The following TRIM71 variants were observed in gnomAD, a reference collection of about 807,000 sequenced individuals.
TRIM71 encodes tripartite motif containing 71.
TRIM71 carries 9 observed loss-of-function variants against 61.2 expected under a neutral mutation model. The observed-to-expected ratio is 0.15, with a 90% CI of 0.09 to 0.26. TRIM71 has a LOEUF of 0.26. Among genes scored for constraint, TRIM71 ranks in the 10% least tolerant of loss-of-function variants. The pLI, the probability that TRIM71 is intolerant of heterozygous loss-of-function variation, is 1.00. For missense variants in TRIM71, 998 were observed against 1,238.7 expected, an observed-to-expected ratio of 0.81 and a Z score of 2.92; for synonymous variants, 645 against 553.2, an observed-to-expected ratio of 1.17 and a Z score of -2.33.
chr3:32,857,325 C>T (rs1696616602), intron 1 of TRIM71, among the ~76,000 whole-genome samples: 1 of 152,246 alleles, frequency 6.6e-6, no homozygotes, highest in South Asian at 2.1e-4. Context: ...TTCTGATTTA[C>T]CTGCTTAGCA....
chr3:32,871,409 C>T (rs539370745), intron 1 of TRIM71, among the ~76,000 whole-genome samples: 2 of 152,256 alleles, frequency 1.3e-5, no homozygotes, highest in East Asian at 3.9e-4. Context: ...CTGTTAGAAG[C>T]AGGGAGGCCA....
intron 1 of TRIM71, among the ~76,000 whole-genome samples, chr3:32,840,815 T>C (rs533085425): frequency 6.6e-6 from 1 of 152,306 alleles, no homozygotes; most frequent in African/African-American, 2.4e-5. Flanking sequence ...GCTGGGGAGC[T>C]TTCAGGGCTC....
chr3:32,868,700 TA>T (rs1230451614), intron 1 of TRIM71, among the ~76,000 whole-genome samples: 3,530 of 150,374 alleles, frequency 0.023, 130 homozygotes, highest in African/African-American at 0.081. Context: ...TTTTTTTTTT[TA>T]AAAAACTGTT....
intron 1 of TRIM71, among the ~76,000 whole-genome samples, chr3:32,828,722 A>G (rs1443981019): frequency 6.6e-6 from 1 of 151,660 alleles, no homozygotes; most frequent in Non-Finnish European, 1.5e-5. Flanking sequence ...CTTGTGTCTG[A>G]CCCTTGGGCT....
chr3:32,854,990 AAC>A (rs1696579733), intron 1 of TRIM71, among the ~76,000 whole-genome samples: 1 of 152,216 alleles, frequency 6.6e-6, no homozygotes, highest in South Asian at 2.1e-4. Context: ...ACATTCATAT[AAC>A]ACAGTATGTT....
chr3:32,838,245 C>T (rs368215333), intron 1 of TRIM71, among the ~76,000 whole-genome samples: 2 of 151,962 alleles, frequency 1.3e-5, no homozygotes, highest in Admixed American at 6.6e-5. Context: ...TTTTTTGAGA[C>T]GGAGTTTCAC....
rs1196657811 is a variant in TRIM71, at chr3:32,818,269, C to T, written c.189C>T (p.His63=). The T allele has an allele frequency of 4.2e-6, 6 of 1,427,934 alleles. No homozygotes were observed. The highest frequency in any genetic ancestry group is 1.5e-5 in the African/African-American group (1 of 66,448). The allele number at this position is 1,427,934 out of a possible 1,614,324, so 88.5% of individuals were successfully genotyped here. The part of the protein sequence containing the change: ...ARRLHVLPCL[H]AFCRPCLEAH... Reference sequence around the variant, plus strand: ...GCCTACACGTCCTGCCCTGCCTGCACGCCTTCTGCCGCCCCTGCCTCGAGG... The same window carrying T: ...GCCTACACGTCCTGCCCTGCCTGCATGCCTTCTGCCGCCCCTGCCTCGAGG... The change falls in exon 1 of 4, where the codon CAC becomes CAT. Residue 63 remains histidine (H), a synonymous_variant. Transcript: ENST00000383763.
rs1559534550 is a variant in TRIM71 at position 32,818,392 on chromosome 3, G to A, written c.312G>A (p.Ala104=). The A allele has an allele frequency of 6.8e-7, 1 of 1,478,704 alleles. No individual in the cohort carries two copies. The highest frequency in any genetic ancestry group is 8.9e-7 in the Non-Finnish European group (1 of 1,119,306). The allele number at this position is 1,478,704 out of a possible 1,614,324, so 91.6% of individuals were successfully genotyped here. A position where few individuals can be genotyped will look rare whatever the true frequency, so the allele number is the denominator to read the frequency against. The change falls in exon 1 of 4, where the codon GCG becomes GCA. Residue 104 remains alanine, a synonymous_variant. Coordinates refer to ENST00000383763, the MANE Select transcript of TRIM71 (RefSeq NM_001039111.3). The part of the protein sequence containing the change: ...CDQKVVLAEA[A]GMDALPSSAF... ...AGAAAGTAGTGCTAGCCGAGGCGGC[G>A]GGTATGGACGCGCTGCCTTCGTCCG...
intron 1 of TRIM71, among the ~76,000 whole-genome samples, chr3:32,837,530 A>G (rs780457965): frequency 2.6e-5 from 4 of 152,190 alleles, no homozygotes; most frequent in African/African-American, 4.8e-5. Context: ...TGTAAAACTT[A>G]CTAACGTCGC....
chr3:32,878,745 T>C (rs1163959255), intron 2 of TRIM71, among the ~76,000 whole-genome samples: 2 of 152,244 alleles, frequency 1.3e-5, no homozygotes, highest in Admixed American at 6.5e-5. Context: ...AGCATAATGC[T>C]TAAGGGGCCT....
At position 32,891,938 on chromosome 3, in the gene TRIM71, T is replaced by TC. The variant is rs1465708198; in HGVS notation, c.*127_*128insC. 2.2e-6 allele frequency: 3 copies of TC among 1,362,866 alleles called. No homozygotes were observed. In the African/African-American group the frequency reaches 4.4e-5, roughly 20 times the overall value. The allele number at this position is 1,362,866 out of a possible 1,614,324, so 84.4% of individuals were successfully genotyped here. On this transcript the variant is annotated 3_prime_UTR_variant, in exon 4 of 4. Coordinates refer to ENST00000383763, the MANE Select transcript of TRIM71 (RefSeq NM_001039111.3). The surrounding 1 kb of genome is among the most constrained non-coding windows in gnomAD (Gnocchi z 8.2). ...GTCTCAGGGAAATTTCTTTTTTCTT[T>TC]TTTTTTTTTAAAGAGAACAAGAAAA...
chr3:32,888,115 TG>T (rs901432465), intron 3 of TRIM71, among the ~76,000 whole-genome samples: 1 of 152,174 alleles, frequency 6.6e-6, no homozygotes, highest in Admixed American at 6.5e-5. Flanking sequence ...TAGCATGGTT[TG>T]AGAACCTCAA....
intron 1 of TRIM71, among the ~76,000 whole-genome samples, chr3:32,844,817 C>T (rs1011210153): frequency 6.6e-6 from 1 of 152,212 alleles, no homozygotes; most frequent in Non-Finnish European, 1.5e-5. Flanking sequence ...TCCCCCTCCT[C>T]TGAGCCACCT....
At chr3:32,877,719 A>G (rs1425478348) in intron 2 of TRIM71, among the ~76,000 whole-genome samples, 1 of 152,114 alleles carries the variant, frequency 6.6e-6, no homozygotes, top group East Asian at 1.9e-4. Flanking sequence ...TGAGATGGCA[A>G]CAATTCAGTC....
At chr3:32,879,016 A>G (rs749257833) in intron 2 of TRIM71, among the ~76,000 whole-genome samples, 3 of 152,226 alleles carry the variant, frequency 2.0e-5, no homozygotes, top group Non-Finnish European at 2.9e-5. Context: ...TCTTCTGGGT[A>G]ACTTGCTGCA....
In TRIM71 at chr3:32,894,164, C is replaced by T. The variant is rs1697055509; in HGVS notation, c.*2353C>T. ...GCTGATCTTCCTTCCCTTTCCCCAG[C>T]TGCCCAACAAGCCACCCTTTAAACA... On this transcript the variant is annotated 3_prime_UTR_variant, in exon 4 of 4. Transcript: ENST00000383763. 6.6e-6 allele frequency: 1 copy of T among 152,024 alleles called. No individual in the cohort carries two copies. Among genetic ancestry groups the T allele is most frequent in the Non-Finnish European group, 1.5e-5 (1 of 68,012 alleles). The allele number at this position is 152,024 out of a possible 1,614,324, so 9.4% of individuals were successfully genotyped here.
Position 32,866,353 on chromosome 3 carries a change from A to G in TRIM71, c.853-7465A>G, listed in dbSNP as rs925554724. 2.0e-5 allele frequency among the ~76,000 whole-genome samples: 3 copies of G among 151,376 alleles called. No homozygotes were observed. The East Asian group carries it at 5.9e-4, about 30-fold the overall frequency. On this transcript the variant is annotated intron_variant, in intron 1 of 3. Transcript: ENST00000383763. ...AATCTCTGCCCCCTGGGTTCAATCT[A>G]TTCTGCCTCAGCCTCCCGAGTAGCT...
intron 1 of TRIM71, among the ~76,000 whole-genome samples, chr3:32,846,970 G>T (rs1003557020): frequency 1.4e-5 from 2 of 146,938 alleles, no homozygotes; most frequent in African/African-American, 4.9e-5. Context: ...ATAGCTCTTT[G>T]ACATACTGAT....
intron 2 of TRIM71, among the ~76,000 whole-genome samples, chr3:32,875,476 A>G (rs76756485): frequency 0.024 from 3,645 of 152,258 alleles, 187 homozygotes; most frequent in East Asian, 0.24. Context: ...GAGAAGAAAA[A>G]TTGTTCACCC....
Sources: allele counts gnomAD v4.1 joint callset (sites outside exome capture counted in the v4.1 genomes callset), GRCh38; gene constraint gnomAD v4.1.1; non-coding constraint Gnocchi (gnomAD v3.1); transcripts MANE v1.5; gene names NCBI Gene and HGNC (gene_info 2026-07-23, HGNC 2026-07-21).